The following MYO10 variants were observed in gnomAD, a reference collection of about 807,000 sequenced individuals.
The protein encoded by MYO10 is unconventional myosin-X.
In MYO10, 133 loss-of-function variants were observed where a neutral mutation model predicts 257.3. That is an observed-to-expected ratio of 0.52 (90% confidence interval 0.45 to 0.60). The LOEUF is 0.60. Ranked by LOEUF, MYO10 falls within the 20% of genes least tolerant of loss-of-function variation. The pLI is 0.00. For synonymous variants in MYO10, 1,104 were observed against 1,028.6 expected (o/e 1.07, Z -1.40); for missense variants, 2,399 against 2,635.7 (o/e 0.91, Z 1.97).
At position 16,701,890 on chromosome 5, in the gene MYO10, G is replaced by A; in HGVS notation, c.2557-52C>T. The A allele has an allele frequency of 6.5e-7, 1 of 1,531,298 alleles. No homozygotes were observed. The highest frequency in any genetic ancestry group is 1.4e-5 in the African/African-American group (1 of 72,052). The allele number at this position is 1,531,298 out of a possible 1,614,324, so 94.9% of individuals were successfully genotyped here. On this transcript the variant is annotated intron_variant, in intron 24 of 40. Coordinates refer to ENST00000513610, the MANE Select transcript of MYO10 (RefSeq NM_012334.3). The surrounding 1 kb of genome is among the most constrained non-coding windows in gnomAD (Gnocchi z 8.1). Reference sequence around the variant, plus strand: ...AGAAGGCTTCAGTACAAAAGTCCAAGCATAGCTCCCGCTTTGCAACCAGGA... The same window carrying A: ...AGAAGGCTTCAGTACAAAAGTCCAAACATAGCTCCCGCTTTGCAACCAGGA...
chr5:16,857,828 G>A (rs1744002943), intron 2 of MYO10, among the ~76,000 whole-genome samples: 4 of 152,188 alleles, frequency 2.6e-5, no homozygotes. Flanking sequence ...CTCACCTCCA[G>A]GGAGGCTGTA....
chr5:16,888,928 T>C (rs929034598), intron 1 of MYO10, among the ~76,000 whole-genome samples: 12 of 152,022 alleles, frequency 7.9e-5, no homozygotes, highest in African/African-American at 2.9e-4. Context: ...TCCCAGCACT[T>C]TTGAGAGGCT....
intron 2 of MYO10, among the ~76,000 whole-genome samples, chr5:16,832,510 C>T (rs1018919380): frequency 5.9e-5 from 9 of 152,168 alleles, no homozygotes; most frequent in African/African-American, 1.9e-4. Context: ...TGGTTTTAAA[C>T]ATAGTAAGTT....
At chr5:16,703,970 G>A (rs1372083189) in intron 22 of MYO10, among the ~76,000 whole-genome samples, 1 of 150,820 alleles carries the variant, frequency 6.6e-6, no homozygotes, top group African/African-American at 2.4e-5. Flanking sequence ...ATAACACCAA[G>A]GTGAACAGCC....
intron 2 of MYO10, among the ~76,000 whole-genome samples, chr5:16,856,730 G>A (rs553020051): frequency 3.3e-5 from 5 of 152,234 alleles, no homozygotes; most frequent in South Asian, 2.1e-4. Flanking sequence ...AAGGAAGCAG[G>A]TGCCAGCATG....
At chr5:16,738,480 A>G in intron 19 of MYO10, 1 of 892,226 alleles carries the variant, frequency 1.1e-6, no homozygotes, top group Non-Finnish European at 1.3e-6. Flanking sequence ...AAGGTGAGGG[A>G]GCCCAGTCAA....
chr5:16,779,321 G>A (rs369851786), intron 9 of MYO10, among the ~76,000 whole-genome samples: 1 of 151,954 alleles, frequency 6.6e-6, no homozygotes, highest in Non-Finnish European at 1.5e-5. Flanking sequence ...TGACACATTC[G>A]CTCATCTTCT....
At chr5:16,914,509 C>T (rs1745762041) in intron 1 of MYO10, among the ~76,000 whole-genome samples, 1 of 152,224 alleles carries the variant, frequency 6.6e-6, no homozygotes, top group Non-Finnish European at 1.5e-5. Context: ...ACCTATGCCA[C>T]TGTTAATTCT....
chr5:16,728,670 A>G (rs1270589301), intron 19 of MYO10, among the ~76,000 whole-genome samples: 1 of 152,202 alleles, frequency 6.6e-6, no homozygotes, highest in East Asian at 1.9e-4. Flanking sequence ...CAAGACTATT[A>G]TTCCATTATA....
chr5:16,826,892 CA>C (rs960948741), intron 2 of MYO10, among the ~76,000 whole-genome samples: 11 of 152,132 alleles, frequency 7.2e-5, no homozygotes, highest in Admixed American at 7.2e-4. Flanking sequence ...ATCATGTAAA[CA>C]AAAACGAGCT....
chr5:16,871,541 A>G (rs1744456605), intron 2 of MYO10, among the ~76,000 whole-genome samples: 1 of 152,154 alleles, frequency 6.6e-6, no homozygotes, highest in South Asian at 2.1e-4. Flanking sequence ...CAGGAAGTGG[A>G]GGCTACAGTG....
intron 19 of MYO10, among the ~76,000 whole-genome samples, chr5:16,732,880 T>A (rs888152716): frequency 2.0e-5 from 3 of 152,180 alleles, no homozygotes; most frequent in African/African-American, 7.2e-5. Context: ...ATGCCTGTAA[T>A]CCTAGCACTT....
Position 16,762,116 on chromosome 5 carries a change from A to G in MYO10, c.1588-3T>C, listed in dbSNP as rs753539073. ...GGCTTCACATAAAAGTGGTTATTCT[A>G]AAAAAAAAAAAAAAAAAAAAAAAAA... On this transcript the variant is annotated splice_region_variant and splice_polypyrimidine_tract_variant and intron_variant, in intron 15 of 40. Coordinates refer to ENST00000513610, the MANE Select transcript of MYO10 (RefSeq NM_012334.3). 2 of 354,334 alleles carry G rather than the reference A, an allele frequency of 5.6e-6. No homozygotes were observed. The highest frequency in any genetic ancestry group is 7.1e-6 in the Non-Finnish European group (2 of 281,628). The allele number at this position is 354,334 out of a possible 1,614,324, so 21.9% of individuals were successfully genotyped here.
intron 3 of MYO10, 108 bp from the exon 4 acceptor site, chr5:16,794,941 T>A: frequency 1.2e-6 from 1 of 855,304 alleles, no homozygotes; most frequent in Non-Finnish European, 1.7e-6. Context: ...GTCTTCTGTC[T>A]CCCGGGTGCA....
chr5:16,682,035 A>G, intron 30 of MYO10, 22 bp from the exon 31 acceptor site: 1 of 1,610,216 alleles, frequency 6.2e-7, no homozygotes, highest in East Asian at 2.2e-5. Flanking sequence ...GATGAGAAGG[A>G]AACAAAGCCC....
intron 39 of MYO10, among the ~76,000 whole-genome samples, chr5:16,668,902 C>T (rs898302515): frequency 6.6e-6 from 1 of 152,138 alleles, no homozygotes; most frequent in Non-Finnish European, 1.5e-5. Flanking sequence ...TCTTCAAATA[C>T]AAAATCTAGG....
chr5:16,755,824 C>T (rs555297212), intron 18 of MYO10, among the ~76,000 whole-genome samples: 3 of 149,488 alleles, frequency 2.0e-5, no homozygotes, highest in Admixed American at 6.8e-5. Flanking sequence ...AATCTCATTT[C>T]GCCTGATCCA....
In MYO10 at chr5:16,701,167, G is replaced by T; in HGVS notation, c.3228C>A (p.Pro1076=). 6.2e-7 allele frequency: 1 copy of T among 1,606,300 alleles called. No homozygotes were observed. Among genetic ancestry groups the T allele is most frequent in the Non-Finnish European group, 8.5e-7 (1 of 1,176,588 alleles). ...GGGAGGGCAAGTCCCCAGCGTTCTG[G>T]GGCATGCAGTAGGTGGACTCGCCGC... is the stretch of plus-strand genomic sequence containing the variant. ...SSSGESTYCM[P]QNAGDLPSPD... Residue 1076 remains proline, a synonymous_variant, in exon 25 of 41, where the codon CCC becomes CCA. Coordinates refer to ENST00000513610, the MANE Select transcript of MYO10 (RefSeq NM_012334.3). The surrounding 1 kb of genome is among the most constrained non-coding windows in gnomAD (Gnocchi z 8.1).
intron 2 of MYO10, among the ~76,000 whole-genome samples, chr5:16,852,784 G>A (rs1743846520): frequency 6.6e-6 from 1 of 152,036 alleles, no homozygotes; most frequent in East Asian, 1.9e-4. Context: ...TAAATGATCT[G>A]GAAAGTCCTT....
Sources: allele counts gnomAD v4.1 joint callset (sites outside exome capture counted in the v4.1 genomes callset), GRCh38; gene constraint gnomAD v4.1.1; non-coding constraint Gnocchi (gnomAD v3.1); transcripts MANE v1.5; gene names NCBI Gene and HGNC (gene_info 2026-07-23, HGNC 2026-07-21).